The following TXNDC16 variants were observed in gnomAD, a reference collection of about 807,000 sequenced individuals.
TXNDC16 encodes thioredoxin domain containing 16, also known as thioredoxin domain-containing protein 16.
Under a neutral mutation model 85.6 loss-of-function variants are expected in TXNDC16, and 74 were observed. The ratio of observed to expected loss-of-function variants is 0.86; its 90% confidence interval spans 0.72 to 1.05. The LOEUF is 1.05. TXNDC16 is among the 50% of genes least tolerant of loss of function. TXNDC16 has a pLI of 0.00. For synonymous variants in TXNDC16, 335 were observed against 326.5 expected (o/e 1.03, Z -0.28); for missense variants, 959 against 947.0 (o/e 1.01, Z -0.17).
In TXNDC16 at chr14:52,506,527, CTTTTTT is replaced by C. The variant is rs765293725; in HGVS notation, c.756+4707_756+4712del. On this transcript the variant is annotated intron_variant, in intron 9 of 20. Coordinates refer to ENST00000281741, the MANE Select transcript of TXNDC16 (RefSeq NM_020784.3). ...AGGCCTTTGACAAATTTCAACAACC[CTTTTTT>C]TTTTTTTTTTTTTTTTTTCTTTTTT... 5.0e-4 allele frequency among the ~76,000 whole-genome samples: 49 copies of C among 97,530 alleles called. 2 individuals are homozygous for C. Among genetic ancestry groups the C allele is most frequent in the East Asian group, 1.2e-3 (3 of 2,408 alleles). 64.0% of individuals were successfully genotyped at this position (97,530 alleles called of 152,430 possible). A position where few individuals can be genotyped will look rare whatever the true frequency, so the allele number is the denominator to read the frequency against.
chr14:52,466,606 C>T (rs1189791075), intron 16 of TXNDC16, among the ~76,000 whole-genome samples: 12 of 152,042 alleles, frequency 7.9e-5, no homozygotes, highest in Non-Finnish European at 1.6e-4. Flanking sequence ...GTGGCTCATG[C>T]CTGTAATCCC....
chr14:52,537,792 G>T (rs749510560), intron 4 of TXNDC16, 120 bp from the exon 5 acceptor site: 4 of 618,822 alleles, frequency 6.5e-6, no homozygotes, highest in Non-Finnish European at 1.1e-5. Context: ...TGTATTTTAT[G>T]TTTTTTTCTG....
chr14:52,454,248 A>G (rs1373092004), intron 18 of TXNDC16, among the ~76,000 whole-genome samples: 2 of 151,906 alleles, frequency 1.3e-5, no homozygotes, highest in African/African-American at 4.8e-5. Context: ...CAACATGGTG[A>G]AACCCTGTCT....
At chr14:52,463,365 C>T (rs1362941464) in intron 16 of TXNDC16, among the ~76,000 whole-genome samples, 2 of 152,030 alleles carry the variant, frequency 1.3e-5, no homozygotes, top group East Asian at 1.9e-4. Context: ...TTCCGGGGGT[C>T]GCTGGAAGTT....
intron 14 of TXNDC16, among the ~76,000 whole-genome samples, chr14:52,472,432 G>C (rs990997498): frequency 1.3e-5 from 2 of 152,028 alleles, no homozygotes; most frequent in Non-Finnish European, 2.9e-5. Flanking sequence ...ATCTGACCTC[G>C]TGATCTGCCT....
Position 52,519,290 on chromosome 14 carries a change from A to T in TXNDC16, c.396T>A (p.Ala132=). 1 of 1,590,162 alleles carries T rather than the reference A, an allele frequency of 6.3e-7. No homozygotes were observed. The highest frequency in any genetic ancestry group is 8.6e-7 in the Non-Finnish European group (1 of 1,163,162). ...VNAIVAHVLF[A]LLFSEVKYIT... Reference sequence around the variant, plus strand: ...TATATTTCACTTCACTAAAAAGAAGAGCACTGAAATAAATACAGATATAAT... The same window carrying T: ...TATATTTCACTTCACTAAAAAGAAGTGCACTGAAATAAATACAGATATAAT... Residue 132 remains alanine (A), a synonymous_variant, in exon 7 of 21, where the codon GCT becomes GCA. Transcript: ENST00000281741.
intron 1 of TXNDC16, among the ~76,000 whole-genome samples, chr14:52,548,131 G>T (rs541176971): frequency 1.3e-5 from 2 of 152,324 alleles, no homozygotes; most frequent in Non-Finnish European, 2.9e-5. Flanking sequence ...AACACCATAG[G>T]GGAAAGCTCC....
intron 6 of TXNDC16, among the ~76,000 whole-genome samples, chr14:52,531,086 A>G (rs1393796459): frequency 1.3e-5 from 2 of 152,120 alleles, no homozygotes; most frequent in Non-Finnish European, 2.9e-5. Context: ...CCTCCACATC[A>G]TAAGTCATCA....
intron 8 of TXNDC16, 49 bp downstream of exon 8, chr14:52,514,831 G>T: frequency 7.2e-7 from 1 of 1,390,602 alleles, no homozygotes; most frequent in Non-Finnish European, 9.9e-7. Flanking sequence ...AATAAGTGAA[G>T]AAGAAAAAAA....
intron 4 of TXNDC16, among the ~76,000 whole-genome samples, chr14:52,540,902 A>G (rs956102543): frequency 9.2e-5 from 14 of 152,144 alleles, no homozygotes; most frequent in Non-Finnish European, 1.5e-4. Context: ...ATTTGCCACT[A>G]TCTCCTTTCC....
intron 16 of TXNDC16, chr14:52,462,797 G>C (rs909256239): frequency 2.6e-6 from 1 of 380,322 alleles, no homozygotes; most frequent in Non-Finnish European, 5.1e-6. Flanking sequence ...ATGTTCTACT[G>C]CAACTTTAAA....
intron 18 of TXNDC16, among the ~76,000 whole-genome samples, chr14:52,448,610 T>C (rs553677140): frequency 6.6e-6 from 1 of 152,194 alleles, no homozygotes; most frequent in African/African-American, 2.4e-5. Flanking sequence ...CAAAACTCAT[T>C]GCTAATGGTA....
intron 6 of TXNDC16, among the ~76,000 whole-genome samples, chr14:52,530,010 TTA>T (rs1441879750): frequency 3.0e-5 from 3 of 100,268 alleles, no homozygotes; most frequent in Non-Finnish European, 5.3e-5. Flanking sequence ...ATAATATATA[TTA>T]TATATTATAT....
chr14:52,503,613 C>T (rs1008332435), intron 9 of TXNDC16, among the ~76,000 whole-genome samples: 5 of 152,146 alleles, frequency 3.3e-5, no homozygotes, highest in African/African-American at 1.2e-4. Flanking sequence ...TAAAAAACCA[C>T]AAAGATGGGG....
rs138138518 is a variant in TXNDC16 at position 52,439,213 on chromosome 14, T to A, written c.2185A>T (p.Asn729Tyr). ...WLKKLEAGLE[N>Y]HITILPAQEW... ...AAAACAGAAAACTTACTGATATGAT[T>A]TTCTAGTCCTGCTTCTAATTTCTTC... Residue 729 changes from asparagine (N) to tyrosine (Y), a missense_variant, in exon 20 of 21, where the codon AAT becomes TAT. Transcript: ENST00000281741. 81 of 1,613,780 alleles carry A rather than the reference T, an allele frequency of 5.0e-5. No individual in the cohort carries two copies. In the African/African-American group the frequency reaches 8.0e-4, roughly 16 times the overall value.
intron 6 of TXNDC16, among the ~76,000 whole-genome samples, chr14:52,531,150 G>C (rs935358008): frequency 3.9e-5 from 6 of 152,074 alleles, no homozygotes; most frequent in African/African-American, 1.4e-4. Flanking sequence ...TATTATGCTA[G>C]CTAAAATATG....
chr14:52,507,251 G>C (rs1260364936), intron 9 of TXNDC16, among the ~76,000 whole-genome samples: 4 of 152,112 alleles, frequency 2.6e-5, no homozygotes, highest in East Asian at 3.9e-4. Context: ...AAAATCACAA[G>C]TATTCTTATA....
Position 52,482,907 on chromosome 14 carries a change from A to G in TXNDC16, c.1167T>C (p.Pro389=). The change falls in exon 13 of 21, where the codon CCT becomes CCC. Residue 389 remains proline (P), a synonymous_variant. Transcript: ENST00000281741. The stretch of plus-strand genomic sequence containing the variant: ...CTGTTAGTTCCACTGTAAGTTCCAA[A>G]GGTAATTTTCTCTTCCTATCTCTGA... ...TVFRDRKRKL[P]LELTVELTEE... The G allele has an allele frequency of 6.2e-7, 1 of 1,612,092 alleles. No individual in the cohort carries two copies.
intron 9 of TXNDC16, among the ~76,000 whole-genome samples, chr14:52,503,723 G>A (rs1003056327): frequency 2.6e-5 from 4 of 152,214 alleles, no homozygotes; most frequent in Non-Finnish European, 4.4e-5. Flanking sequence ...AAGCTGGACA[G>A]AGAATGACTT....
Sources: gnomAD v4.1 joint callset for allele counts (sites outside exome capture counted in the v4.1 genomes callset) on GRCh38, gnomAD v4.1.1 for gene constraint, MANE v1.5 for transcripts, NCBI Gene and HGNC (gene_info 2026-07-23, HGNC 2026-07-21) for gene names.